The following DPP10 variants were observed in gnomAD, a reference collection of about 807,000 sequenced individuals.
DPP10 encodes the protein inactive dipeptidyl peptidase 10.
A neutral mutation model predicts 120.9 loss-of-function variants in DPP10; 33 were observed. The observed-to-expected ratio is 0.27, with a 90% CI of 0.21 to 0.37. The LOEUF (loss-of-function observed/expected upper bound fraction) is 0.37. Among genes scored for constraint, DPP10 ranks in the 10% least tolerant of loss-of-function variants. The probability of loss-of-function intolerance (pLI) is 1.00; values close to 1 mark genes in which losing one functional copy is unlikely to be tolerated. For missense variants in DPP10, 816 were observed against 942.8 expected (o/e 0.87, Z 1.76); for synonymous variants, 337 against 326.1 (o/e 1.03, Z -0.36).
At chr2:114,511,565 T>C (rs1242680825) in intron 1 of DPP10, among the ~76,000 whole-genome samples, 2 of 152,200 alleles carry the variant, frequency 1.3e-5, no homozygotes, top group Non-Finnish European at 2.9e-5. Flanking sequence ...AATATGTAGC[T>C]GATATCAGGG....
chr2:114,992,701 A>G (rs983877365), intron 1 of DPP10, among the ~76,000 whole-genome samples: 13 of 152,222 alleles, frequency 8.5e-5, no homozygotes, highest in African/African-American at 3.1e-4. Context: ...CAAGACATTT[A>G]AAGGAGAATA....
chr2:114,835,620 A>T (rs1394772146), intron 1 of DPP10: 1 of 152,162 alleles, frequency 6.6e-6, no homozygotes, highest in Non-Finnish European at 1.5e-5. Flanking sequence ...TAATCCAATC[A>T]GTCTTGGCAG....
chr2:114,962,734 G>A, intron 1 of DPP10, among the ~76,000 whole-genome samples: 1 of 152,116 alleles, frequency 6.6e-6, no homozygotes, highest in East Asian at 1.9e-4. Flanking sequence ...ATCTACTTAT[G>A]GAAGAGACAT....
chr2:114,590,152 C>T (rs901494472), intron 1 of DPP10, among the ~76,000 whole-genome samples: 2 of 151,980 alleles, frequency 1.3e-5, no homozygotes, highest in African/African-American at 4.8e-5. Context: ...TTTACAAACA[C>T]AAATAAAAAT....
At chr2:114,461,939 A>G (rs1354021387) in intron 1 of DPP10, 2 of 985,302 alleles carry the variant, frequency 2.0e-6, no homozygotes, top group Non-Finnish European at 2.4e-6. Context: ...GTTAGGAGGT[A>G]GGAAATAATG....
intron 1 of DPP10, among the ~76,000 whole-genome samples, chr2:114,503,511 T>C (rs184078881): frequency 6.6e-6 from 1 of 152,290 alleles, no homozygotes; most frequent in East Asian, 1.9e-4. Flanking sequence ...TTTAGCATAC[T>C]GAAGTGAAAG....
chr2:115,751,652 G>C (rs753682649), intron 10 of DPP10, among the ~76,000 whole-genome samples: 4 of 152,114 alleles, frequency 2.6e-5, no homozygotes, highest in Non-Finnish European at 5.9e-5. Context: ...TAGCTACTCG[G>C]TAATGTTAGA....
intron 1 of DPP10, among the ~76,000 whole-genome samples, chr2:115,147,978 G>A (rs561897267): frequency 6.6e-6 from 1 of 152,200 alleles, no homozygotes; most frequent in African/African-American, 2.4e-5. Flanking sequence ...TGGTGTCAAG[G>A]TAGGTGCTGT....
At chr2:114,811,925 G>C (rs1471158233) in intron 1 of DPP10, among the ~76,000 whole-genome samples, 1 of 152,186 alleles carries the variant, frequency 6.6e-6, no homozygotes, top group East Asian at 1.9e-4. Flanking sequence ...CAATAGGAGA[G>C]GCTGTCCGGA....
intron 1 of DPP10, among the ~76,000 whole-genome samples, chr2:114,769,190 G>T (rs561296138): frequency 8.5e-5 from 13 of 152,250 alleles, no homozygotes; most frequent in Middle Eastern, 6.8e-3. Context: ...TGGTGTGGCC[G>T]ATAAAACCCA....
intron 1 of DPP10, among the ~76,000 whole-genome samples, chr2:115,300,113 A>G (rs543299659): frequency 6.6e-6 from 1 of 152,126 alleles, no homozygotes; most frequent in Non-Finnish European, 1.5e-5. Context: ...AGTACTGTTC[A>G]TTGACATTAA....
chr2:115,683,158 A>C (rs931755164), intron 5 of DPP10, among the ~76,000 whole-genome samples: 1 of 151,976 alleles, frequency 6.6e-6, no homozygotes, highest in Non-Finnish European at 1.5e-5. Flanking sequence ...AATATTGTTT[A>C]CTGAAAAAGA....
chr2:114,741,862 A>G (rs1023129432), intron 1 of DPP10, among the ~76,000 whole-genome samples: 1 of 152,220 alleles, frequency 6.6e-6, no homozygotes, highest in African/African-American at 2.4e-5. Flanking sequence ...GACTTCAGAG[A>G]GAACATGGCT....
At chr2:114,998,885 C>G (rs1574662363) in intron 1 of DPP10, among the ~76,000 whole-genome samples, 1 of 152,244 alleles carries the variant, frequency 6.6e-6, no homozygotes, top group African/African-American at 2.4e-5. Flanking sequence ...CTTCCATTGT[C>G]TCATATCTCT....
intron 2 of DPP10, among the ~76,000 whole-genome samples, chr2:115,319,244 C>T (rs1367327330): frequency 6.6e-6 from 1 of 151,894 alleles, no homozygotes; most frequent in African/African-American, 2.4e-5. Context: ...GGAATAAAAC[C>T]CACTTGTTCA....
chr2:114,650,607 G>A (rs1251660509), intron 1 of DPP10, among the ~76,000 whole-genome samples: 1 of 152,126 alleles, frequency 6.6e-6, no homozygotes, highest in Non-Finnish European at 1.5e-5. Flanking sequence ...TAGTTTACAT[G>A]AGAGAAAAGG....
chr2:114,700,718 C>A (rs1252151624), intron 1 of DPP10, among the ~76,000 whole-genome samples: 1 of 152,036 alleles, frequency 6.6e-6, no homozygotes, highest in Non-Finnish European at 1.5e-5. Flanking sequence ...TTCACTGGAG[C>A]TTTTCTTTAT....
At chr2:115,320,224 A>G (rs778591441) in intron 2 of DPP10, among the ~76,000 whole-genome samples, 43 of 152,188 alleles carry the variant, frequency 2.8e-4, no homozygotes, top group Admixed American at 1.0e-3. Context: ...TTTGCAAAGA[A>G]TATATTTTTC....
chr2:115,701,668 G>A (rs2091894252), intron 7 of DPP10, among the ~76,000 whole-genome samples: 2 of 151,994 alleles, frequency 1.3e-5, no homozygotes, highest in South Asian at 4.1e-4. Flanking sequence ...AAGGCAACAT[G>A]TGGAATAGAA....
Sources: allele counts gnomAD v4.1 joint callset (sites outside exome capture counted in the v4.1 genomes callset), GRCh38; gene constraint gnomAD v4.1.1; transcripts MANE v1.5; gene names NCBI Gene and HGNC (gene_info 2026-07-23, HGNC 2026-07-21).